UBE2E2: variants seen among roughly 807,000 people sequenced by gnomAD.
UBE2E2 encodes the protein ubiquitin conjugating enzyme E2 E2, also known as ubiquitin-conjugating enzyme E2 E2.
In UBE2E2, 6 loss-of-function variants were observed where a neutral mutation model predicts 24.7. The ratio of observed to expected loss-of-function variants is 0.24; its 90% CI spans 0.13 to 0.48. UBE2E2 has a LOEUF of 0.48. Among genes scored for constraint, UBE2E2 ranks in the 20% least tolerant of loss-of-function variants. UBE2E2 has a pLI of 0.99. For synonymous variants in UBE2E2, 104 were observed against 83.6 expected (o/e 1.24, Z -1.33); for missense variants, 169 against 245.0 (o/e 0.69, Z 2.07).
At chr3:23,391,016 ATTG>A (rs2125360853) in intron 3 of UBE2E2, among the ~76,000 whole-genome samples, 2 of 152,324 alleles carry the variant, frequency 1.3e-5, no homozygotes, top group East Asian at 3.9e-4. Flanking sequence ...TTCAATGCTT[ATTG>A]TTTGTTTATG....
chr3:23,325,713 A>T (rs1694871488), intron 3 of UBE2E2, among the ~76,000 whole-genome samples: 1 of 152,206 alleles, frequency 6.6e-6, no homozygotes, highest in Non-Finnish European at 1.5e-5. Flanking sequence ...TGTGTGAGAG[A>T]ATGTGCTACT....
intron 3 of UBE2E2, among the ~76,000 whole-genome samples, chr3:23,355,618 T>G (rs551192542): frequency 1.5e-4 from 23 of 152,328 alleles, no homozygotes; most frequent in African/African-American, 4.6e-4. Context: ...AGTTACTTTT[T>G]TTTGTTTGTT....
At chr3:23,432,857 C>T (rs1003536804) in intron 3 of UBE2E2, among the ~76,000 whole-genome samples, 2 of 151,628 alleles carry the variant, frequency 1.3e-5, no homozygotes, top group African/African-American at 4.8e-5. Context: ...AAACTATTAA[C>T]ATATTAACAG....
intron 5 of UBE2E2, among the ~76,000 whole-genome samples, chr3:23,535,672 G>T (rs1027729152): frequency 4.7e-5 from 6 of 128,888 alleles, no homozygotes; most frequent in Non-Finnish European, 9.2e-5. Flanking sequence ...CGCCCAGGCT[G>T]GATTGCAATG....
intron 3 of UBE2E2, among the ~76,000 whole-genome samples, chr3:23,264,345 A>G (rs780478495): frequency 1.3e-5 from 2 of 152,124 alleles, no homozygotes; most frequent in Non-Finnish European, 2.9e-5. Context: ...AAAAAAATAA[A>G]AAATAAAAAA....
chr3:23,448,077 A>G (rs1187493300), intron 3 of UBE2E2, among the ~76,000 whole-genome samples: 1 of 151,582 alleles, frequency 6.6e-6, no homozygotes, highest in Non-Finnish European at 1.5e-5. Context: ...TAAAGGCAGT[A>G]TTTTTTTTTC....
At chr3:23,246,211 A>G (rs1697392802) in intron 3 of UBE2E2, among the ~76,000 whole-genome samples, 1 of 115,464 alleles carries the variant, frequency 8.7e-6, no homozygotes, top group South Asian at 2.8e-4. Context: ...GTATGCCACC[A>G]TGCGTGGCTA....
intron 3 of UBE2E2, among the ~76,000 whole-genome samples, chr3:23,451,632 A>C (rs146035156): frequency 6.6e-6 from 1 of 152,332 alleles, no homozygotes; most frequent in Admixed American, 6.5e-5. Flanking sequence ...AGAAATCCAA[A>C]ATAAGCTAAT....
intron 1 of UBE2E2, among the ~76,000 whole-genome samples, chr3:23,206,406 T>A (rs944762129): frequency 1.3e-5 from 2 of 152,202 alleles, no homozygotes; most frequent in East Asian, 3.8e-4. Flanking sequence ...CATACTGATA[T>A]AAAATTTCAG....
intron 3 of UBE2E2, among the ~76,000 whole-genome samples, chr3:23,242,996 G>A (rs370211589): frequency 2.0e-5 from 3 of 152,004 alleles, no homozygotes; most frequent in African/African-American, 7.2e-5. Context: ...TGAGGCAGGA[G>A]AATTGCTTGA....
chr3:23,490,397 A>G (rs1011294844), intron 3 of UBE2E2, among the ~76,000 whole-genome samples: 3 of 152,238 alleles, frequency 2.0e-5, no homozygotes, highest in Non-Finnish European at 2.9e-5. Flanking sequence ...TATTATAAAA[A>G]TGTAGCTTAA....
chr3:23,323,096 T>G (rs577875895), intron 3 of UBE2E2, among the ~76,000 whole-genome samples: 1 of 152,200 alleles, frequency 6.6e-6, no homozygotes, highest in African/African-American at 2.4e-5. Flanking sequence ...TTATTAGGCT[T>G]AAACAAATAA....
At chr3:23,350,847 C>T (rs1031576986) in intron 3 of UBE2E2, among the ~76,000 whole-genome samples, 4 of 152,192 alleles carry the variant, frequency 2.6e-5, no homozygotes, top group African/African-American at 7.2e-5. Flanking sequence ...CCCAATCTAG[C>T]AAGGCAGACC....
chr3:23,389,237 C>T (rs1026172119), intron 3 of UBE2E2, among the ~76,000 whole-genome samples: 2 of 152,136 alleles, frequency 1.3e-5, no homozygotes, highest in South Asian at 2.1e-4. Flanking sequence ...AGCAATCCTG[C>T]GGAGCACCAC....
At chr3:23,393,335 T>C (rs1393906832) in intron 3 of UBE2E2, among the ~76,000 whole-genome samples, 2 of 152,080 alleles carry the variant, frequency 1.3e-5, no homozygotes, top group Non-Finnish European at 2.9e-5. Flanking sequence ...GTCAGGAAAG[T>C]GAGGGAATGT....
intron 3 of UBE2E2, among the ~76,000 whole-genome samples, chr3:23,317,695 TACTC>T (rs1694624200): frequency 6.6e-6 from 1 of 152,032 alleles, no homozygotes; most frequent in Non-Finnish European, 1.5e-5. Context: ...TTATGAGACT[TACTC>T]ACTATCATGA....
intron 3 of UBE2E2, among the ~76,000 whole-genome samples, chr3:23,367,787 T>A (rs920628653): frequency 1.3e-5 from 2 of 152,100 alleles, no homozygotes; most frequent in African/African-American, 4.8e-5. Flanking sequence ...GGGAGGGCAG[T>A]CTTGTGGACT....
chr3:23,584,851 C>T (rs1696581478), intron 5 of UBE2E2, among the ~76,000 whole-genome samples: 1 of 151,414 alleles, frequency 6.6e-6, no homozygotes, highest in Non-Finnish European at 1.5e-5. Context: ...AGATTACAGG[C>T]ATGAGCCGCT....
chr3:23,404,180 GTATT>G (rs879735377), intron 3 of UBE2E2, among the ~76,000 whole-genome samples: 4 of 152,022 alleles, frequency 2.6e-5, no homozygotes, highest in Admixed American at 6.6e-5. Context: ...AGTAATAAAT[GTATT>G]TATCAACTCA....
Sources: allele counts gnomAD v4.1 joint callset (sites outside exome capture counted in the v4.1 genomes callset), GRCh38; gene constraint gnomAD v4.1.1; transcripts MANE v1.5; gene names NCBI Gene and HGNC (gene_info 2026-07-23, HGNC 2026-07-21).